The following RASSF5 variants were observed in gnomAD, a reference collection of about 807,000 sequenced individuals.
The protein encoded by RASSF5 is ras association domain-containing protein 5.
A neutral mutation model predicts 40.5 loss-of-function variants in RASSF5; 25 were observed. The ratio of observed to expected loss-of-function variants is 0.62; its 90% CI spans 0.45 to 0.86. RASSF5 has a LOEUF of 0.86. Ranked by LOEUF, RASSF5 falls within the 40% of genes least tolerant of loss-of-function variation. The pLI is 0.00. For synonymous variants in RASSF5, 246 were observed against 252.4 expected, an observed-to-expected ratio of 0.97 and a Z score of 0.24; for missense variants, 521 against 572.8, an observed-to-expected ratio of 0.91 and a Z score of 0.92.
chr1:206,512,767 C>T (rs1015330102), intron 1 of RASSF5, among the ~76,000 whole-genome samples: 5 of 152,220 alleles, frequency 3.3e-5, no homozygotes, highest in African/African-American at 1.2e-4. Flanking sequence ...AGGTCAGGGG[C>T]CAGAGGCTCA....
chr1:206,572,350 C>A (rs1390806375), intron 2 of RASSF5, among the ~76,000 whole-genome samples: 1 of 152,172 alleles, frequency 6.6e-6, no homozygotes, highest in Non-Finnish European at 1.5e-5. Flanking sequence ...TCCTAGGCCA[C>A]AGCCTGGCCT....
chr1:206,586,567 T>G, intron 5 of RASSF5: 1 of 351,118 alleles, frequency 2.8e-6, no homozygotes, highest in Non-Finnish European at 5.3e-6. Context: ...AAACTTAAGA[T>G]TATTGAGTTT....
At chr1:206,563,264 G>A (rs1185040361) in intron 2 of RASSF5, among the ~76,000 whole-genome samples, 2 of 152,334 alleles carry the variant, frequency 1.3e-5, no homozygotes, top group East Asian at 1.9e-4. Context: ...GAAGCAGGTT[G>A]TGGTGAGCAT....
At chr1:206,563,049 C>G (rs1364910323) in intron 2 of RASSF5, among the ~76,000 whole-genome samples, 1 of 152,120 alleles carries the variant, frequency 6.6e-6, no homozygotes, top group Non-Finnish European at 1.5e-5. Context: ...TGAATATAAT[C>G]AGAGGTTTAT....
At chr1:206,541,939 C>G (rs1667555407) in intron 2 of RASSF5, 1 of 152,232 alleles carries the variant, frequency 6.6e-6, no homozygotes, top group Non-Finnish European at 1.5e-5. Context: ...AGTCTTTGTC[C>G]TTGCCCACCA....
Position 206,513,974 on chromosome 1 carries a change from A to G in RASSF5, c.457+5915A>G, listed in dbSNP as rs1666685074. On this transcript the variant is annotated intron_variant, in intron 1 of 5. Transcript: ENST00000579436. This position sits in a 1 kb window ranked among gnomAD's most constrained non-coding sequence, Gnocchi z 5.0. ...CTTTTGAGTTTTTTCTGAAGCACTCATAACTATGCTGAGGAGACTTGGGCA... is the reference window on the plus strand; with the variant it reads ...CTTTTGAGTTTTTTCTGAAGCACTCGTAACTATGCTGAGGAGACTTGGGCA... 6.6e-6 allele frequency among the ~76,000 whole-genome samples: 1 copy of G among 152,244 alleles called. No homozygotes were observed. The highest frequency in any genetic ancestry group is 2.1e-4 in the South Asian group (1 of 4,838).
chr1:206,578,389 C>T (rs1553405600), intron 2 of RASSF5, among the ~76,000 whole-genome samples: 4 of 152,066 alleles, frequency 2.6e-5, no homozygotes, highest in Non-Finnish European at 2.9e-5. Context: ...TTTTGTGACA[C>T]ATTTGCTGTG....
At chr1:206,529,289 C>A in intron 1 of RASSF5, 1 of 865,638 alleles carries the variant, frequency 1.2e-6, no homozygotes. Flanking sequence ...AAGGGGACGT[C>A]CCCACTAAGA....
chr1:206,543,337 C>T (rs1667592878), intron 2 of RASSF5: 1 of 152,070 alleles, frequency 6.6e-6, no homozygotes. Context: ...ACTACCAGGG[C>T]ACTGGGTCCA....
chr1:206,582,109 A>G (rs1284899635), intron 2 of RASSF5, among the ~76,000 whole-genome samples: 2 of 151,982 alleles, frequency 1.3e-5, no homozygotes, highest in Admixed American at 1.3e-4. Flanking sequence ...CAGTTCCCAC[A>G]CTCCCAGCCA....
At chr1:206,530,074 T>G (rs1667197913) in intron 1 of RASSF5, among the ~76,000 whole-genome samples, 1 of 152,210 alleles carries the variant, frequency 6.6e-6, no homozygotes, top group South Asian at 2.1e-4. Context: ...GGGTACGTGA[T>G]TTTTCTTTGT....
chr1:206,527,144 C>T (rs185506269), intron 1 of RASSF5, among the ~76,000 whole-genome samples: 6 of 152,290 alleles, frequency 3.9e-5, no homozygotes, highest in Admixed American at 6.5e-5. Flanking sequence ...CCCCAGCACC[C>T]GATTGAGTGT....
At chr1:206,521,291 A>T (rs1553396059) in intron 1 of RASSF5, among the ~76,000 whole-genome samples, 1 of 152,148 alleles carries the variant, frequency 6.6e-6, no homozygotes, top group South Asian at 2.1e-4. Flanking sequence ...CCTCTGACAT[A>T]ATCTATTTAC....
Position 206,538,237 on chromosome 1 carries a change from G to T in RASSF5, c.523G>T (p.Gly175Cys), listed in dbSNP as rs781821022. The change falls in exon 2 of 6, where the codon GGT (glycine) becomes TGT (cysteine). Residue 175 changes from glycine (G) to cysteine (C), a missense_variant. Coordinates refer to ENST00000579436, the MANE Select transcript of RASSF5 (RefSeq NM_182663.4). The stretch of plus-strand genomic sequence containing the variant: ...CCAGTTGGACTGCAGTCAGCAGGAG[G>T]GTTTATCCCGGGACAGACCCTCTCC... Reference protein sequence around the residue: ...LIQLDCSQQEGLSRDRPSPES... With the variant: ...LIQLDCSQQECLSRDRPSPES... The T allele has an allele frequency of 3.1e-6, 5 of 1,614,164 alleles. No individual in the cohort carries two copies. The Admixed American group carries it at 6.7e-5, about 22-fold the overall frequency.
intron 2 of RASSF5, 112 bp from the exon 3 acceptor site, chr1:206,583,157 C>T: frequency 2.8e-6 from 2 of 719,176 alleles, no homozygotes; most frequent in Non-Finnish European, 2.5e-6. Context: ...TTCCACTCTG[C>T]AGGGCTGGAT....
chr1:206,581,530 C>T (rs1259758673), intron 2 of RASSF5, among the ~76,000 whole-genome samples: 2 of 151,916 alleles, frequency 1.3e-5, no homozygotes, highest in East Asian at 1.9e-4. Flanking sequence ...ACCTGGGAGG[C>T]AGAGATTGCA....
chr1:206,538,400 C>CA (rs1667471123), intron 2 of RASSF5, 107 bp downstream of exon 2: 1 of 1,433,144 alleles, frequency 7.0e-7, no homozygotes, highest in Admixed American at 1.8e-5. Context: ...CATGAGGCCT[C>CA]AGATTCCACA....
At chr1:206,561,377 C>T (rs140296256) in intron 2 of RASSF5, among the ~76,000 whole-genome samples, 29 of 152,312 alleles carry the variant, frequency 1.9e-4, no homozygotes, top group African/African-American at 2.6e-4. Context: ...ATGGAACACT[C>T]AACTTCAGGC....
At chr1:206,509,827 C>T (rs1457406644) in intron 1 of RASSF5, among the ~76,000 whole-genome samples, 1 of 151,916 alleles carries the variant, frequency 6.6e-6, no homozygotes, top group African/African-American at 2.4e-5. Context: ...TACGTCACAT[C>T]AGAATTGTCG....
Sources: allele counts gnomAD v4.1 joint callset (sites outside exome capture counted in the v4.1 genomes callset), GRCh38; gene constraint gnomAD v4.1.1; non-coding constraint Gnocchi (gnomAD v3.1); transcripts MANE v1.5; gene names NCBI Gene and HGNC (gene_info 2026-07-23, HGNC 2026-07-21).